Variants in NAALADL2 observed in about 807,000 individuals in gnomAD.
The protein encoded by NAALADL2 is N-acetylated alpha-linked acidic dipeptidase like 2.
A neutral mutation model predicts 87.2 loss-of-function variants in NAALADL2; 76 were observed. The ratio of observed to expected loss-of-function variants is 0.87; its 90% CI spans 0.72 to 1.05. The LOEUF is 1.05. NAALADL2 is among the 50% of genes least tolerant of loss of function. NAALADL2 has a pLI of 0.00. For missense variants in NAALADL2, 1,089 were observed against 945.8 expected (o/e 1.15, Z -1.99); for synonymous variants, 354 against 331.0 (o/e 1.07, Z -0.75).
At chr3:174,721,794 G>A (rs1291569374) in intron 2 of NAALADL2, among the ~76,000 whole-genome samples, 1 of 152,168 alleles carries the variant, frequency 6.6e-6, no homozygotes, top group South Asian at 2.1e-4. Context: ...GCACCAGCTG[G>A]AGTGTGCAAG....
At chr3:174,873,630 T>C (rs940854178) in intron 1 of NAALADL2, among the ~76,000 whole-genome samples, 6 of 152,080 alleles carry the variant, frequency 3.9e-5, no homozygotes, top group Non-Finnish European at 8.8e-5. Flanking sequence ...TTAGTGCTTT[T>C]GAACATACAT....
rs1057339064 is a variant in NAALADL2, at chr3:175,322,981, T to C, written c.940-1194T>C. 1.2e-3 allele frequency among the ~76,000 whole-genome samples: 183 copies of C among 151,914 alleles called. 1 individual carries two copies. Among genetic ancestry groups the C allele is most frequent in the African/African-American group, 4.2e-3 (172 of 41,412 alleles). The stretch of plus-strand genomic sequence containing the variant: ...AATACCATTTGACCCAGCCATCCCA[T>C]TACTGGGTATATACCCAAAAGACTA... On this transcript the variant is annotated intron_variant, in intron 4 of 13. Transcript: ENST00000454872.
intron 11 of NAALADL2, among the ~76,000 whole-genome samples, chr3:175,650,399 T>C (rs1178098121): frequency 6.6e-6 from 1 of 152,196 alleles, no homozygotes. Context: ...ATGGAAATAC[T>C]CTATAGCTGG....
chr3:174,710,108 G>T (rs1236258325), intron 2 of NAALADL2, among the ~76,000 whole-genome samples: 1 of 151,982 alleles, frequency 6.6e-6, no homozygotes, highest in Non-Finnish European at 1.5e-5. Context: ...CTAGTTAATT[G>T]GTTAAACTTG....
chr3:175,132,157 C>A (rs1454626232), intron 2 of NAALADL2, among the ~76,000 whole-genome samples: 1 of 124,118 alleles, frequency 8.1e-6, no homozygotes, highest in Non-Finnish European at 1.7e-5. Context: ...ACCTCCCTCC[C>A]GGACGGGGCA....
At chr3:175,109,327 A>G (rs1272188123) in intron 2 of NAALADL2, among the ~76,000 whole-genome samples, 2 of 151,884 alleles carry the variant, frequency 1.3e-5, no homozygotes, top group Admixed American at 6.6e-5. Context: ...TTTTAATGCA[A>G]GTGTATTTAT....
chr3:175,708,014 C>A (rs1464888952), intron 11 of NAALADL2, among the ~76,000 whole-genome samples: 4 of 151,318 alleles, frequency 2.6e-5, no homozygotes, highest in African/African-American at 9.7e-5. Flanking sequence ...GAAAAAAAAA[C>A]AAACAAACGA....
At chr3:175,356,497 C>T (rs1345059437) in intron 5 of NAALADL2, among the ~76,000 whole-genome samples, 1 of 150,944 alleles carries the variant, frequency 6.6e-6, no homozygotes. Context: ...ATTGTTTGAG[C>T]CCAAGAGGTT....
chr3:174,939,614 A>T (rs1175103536), intron 1 of NAALADL2, among the ~76,000 whole-genome samples: 1 of 152,104 alleles, frequency 6.6e-6, no homozygotes. Flanking sequence ...AGCCATTTTA[A>T]TAATAGTCAT....
intron 1 of NAALADL2, among the ~76,000 whole-genome samples, chr3:175,005,808 CA>C (rs1487274274): frequency 7.2e-5 from 11 of 152,024 alleles, no homozygotes; most frequent in African/African-American, 4.8e-5. Flanking sequence ...TTTAAGAGAT[CA>C]AAAAGTTGCT....
chr3:175,261,141 G>A (rs1222922027), intron 4 of NAALADL2, among the ~76,000 whole-genome samples: 2 of 152,034 alleles, frequency 1.3e-5, no homozygotes, highest in Admixed American at 6.6e-5. Context: ...TTTTGGGAGA[G>A]TGCTTTAAAT....
chr3:175,230,562 G>T (rs2109440870), intron 2 of NAALADL2, among the ~76,000 whole-genome samples: 1 of 151,938 alleles, frequency 6.6e-6, no homozygotes, highest in Middle Eastern at 3.4e-3. Context: ...AACCACAATG[G>T]GATATAATTT....
intron 9 of NAALADL2, among the ~76,000 whole-genome samples, chr3:175,517,814 C>T (rs558310848): frequency 3.3e-5 from 5 of 152,172 alleles, no homozygotes; most frequent in South Asian, 4.2e-4. Flanking sequence ...AATTCCAGCC[C>T]GTGGCGGAGT....
At chr3:174,851,272 T>C (rs1725213405) in intron 3 of NAALADL2, among the ~76,000 whole-genome samples, 1 of 145,634 alleles carries the variant, frequency 6.9e-6, no homozygotes, top group African/African-American at 2.6e-5. Context: ...CAGAAGTAAA[T>C]GGGATTGAAA....
intron 1 of NAALADL2, among the ~76,000 whole-genome samples, chr3:174,933,284 C>T (rs1478985244): frequency 6.6e-6 from 1 of 152,162 alleles, no homozygotes; most frequent in Non-Finnish European, 1.5e-5. Context: ...CCTTTTCCTA[C>T]CACAGTGTAG....
At chr3:175,673,311 G>A (rs935700413) in intron 11 of NAALADL2, among the ~76,000 whole-genome samples, 1 of 152,110 alleles carries the variant, frequency 6.6e-6, no homozygotes, top group African/African-American at 2.4e-5. Context: ...AATTAAGGGA[G>A]AGTCAGAGCA....
At chr3:175,136,404 C>T (rs1392600398) in intron 2 of NAALADL2, among the ~76,000 whole-genome samples, 1 of 152,042 alleles carries the variant, frequency 6.6e-6, no homozygotes, top group Non-Finnish European at 1.5e-5. Context: ...TCAACTATTC[C>T]AGTGCTTTCA....
intron 2 of NAALADL2, among the ~76,000 whole-genome samples, chr3:174,594,003 G>C (rs183352501): frequency 1.5e-4 from 23 of 152,226 alleles, no homozygotes; most frequent in Admixed American, 1.5e-3. Context: ...TGATTTTCCT[G>C]TGACATTTAC....
chr3:175,123,909 TTG>T (rs1361976747), intron 2 of NAALADL2, among the ~76,000 whole-genome samples: 1 of 152,154 alleles, frequency 6.6e-6, no homozygotes, highest in East Asian at 1.9e-4. Flanking sequence ...TATTCAATTT[TTG>T]TGTTTTTTCT....
Sources: gnomAD v4.1 joint callset for allele counts (sites outside exome capture counted in the v4.1 genomes callset) on GRCh38, gnomAD v4.1.1 for gene constraint, MANE v1.5 for transcripts, NCBI Gene and HGNC (gene_info 2026-07-23, HGNC 2026-07-21) for gene names.